The following ALMS1 variants were observed in gnomAD, a reference collection of about 807,000 sequenced individuals.
The protein encoded by ALMS1 is centrosome-associated protein ALMS1.
ALMS1 carries 271 observed loss-of-function variants against 352.2 expected under a neutral mutation model. The ratio of observed to expected loss-of-function variants is 0.77; its 90% CI spans 0.70 to 0.85. ALMS1 has a LOEUF of 0.85. Ranked by LOEUF, ALMS1 falls within the 40% of genes least tolerant of loss-of-function variation. The pLI is 0.00. For synonymous variants in ALMS1, 1,865 were observed against 1,761.2 expected (o/e 1.06, Z -1.48); for missense variants, 5,445 against 4,870.7 (o/e 1.12, Z -3.51).
In ALMS1 at chr2:73,422,861, A is replaced by G. The variant is rs774831792; in HGVS notation, c.651A>G (p.Ile217Met). 2.2e-5 allele frequency: 35 copies of G among 1,610,704 alleles called. No homozygotes were observed. Among genetic ancestry groups the G allele is most frequent in the African/African-American group, 2.7e-5 (2 of 74,810 alleles). The change falls in exon 4 of 23, where the codon ATA becomes ATG. Residue 217 changes from isoleucine to methionine, a missense_variant. Physicochemically the swap from Ile to Met is conservative, Grantham distance 10 (BLOSUM62 1). Coordinates refer to ENST00000613296, the MANE Select transcript of ALMS1 (RefSeq NM_001378454.1). ...TTAATATTTGAAACTTTACAGTCATACAAGATAGCTTTGCTTCTCCTGATT... is the reference window on the plus strand; with the variant it reads ...TTAATATTTGAAACTTTACAGTCATGCAAGATAGCTTTGCTTCTCCTGATT... The part of the protein sequence containing the change: ...RDLFCSPLLV[I>M]QDSFASPDLP...
chr2:73,577,537 G>A (rs1675079574), intron 16 of ALMS1, among the ~76,000 whole-genome samples: 1 of 151,566 alleles, frequency 6.6e-6, no homozygotes, highest in Non-Finnish European at 1.5e-5. Flanking sequence ...CTTTAATGTA[G>A]GCATTTGTAG....
At chr2:73,458,764 T>A (rs891096622) in intron 9 of ALMS1, 4 of 151,840 alleles carry the variant, frequency 2.6e-5, no homozygotes, top group Admixed American at 2.6e-4. Context: ...GTTTGGAGAG[T>A]GAGAGTGAAA....
chr2:73,597,713 CTAAA>C (rs1446310714), intron 16 of ALMS1, among the ~76,000 whole-genome samples: 1 of 151,842 alleles, frequency 6.6e-6, no homozygotes, highest in African/African-American at 2.4e-5. Context: ...TATGGCTTGC[CTAAA>C]TAGAGACCGC....
Position 73,557,347 on chromosome 2 carries a change from T to C in ALMS1, c.10206T>C (p.Asp3402=). The C allele has an allele frequency of 1.9e-6, 3 of 1,614,120 alleles. No homozygotes were observed. The highest frequency in any genetic ancestry group is 2.5e-6 in the Non-Finnish European group (3 of 1,179,978). ...AAGAAAAAGAATCTTTGCAGAAAGA[T>C]ACTGCAGGTAGCTAAACTGGATTGT... ...QAKEKESLQK[D]TADSSAAAAA... The change falls in exon 14 of 23, where the codon GAT becomes GAC. Residue 3402 remains aspartate (D), a synonymous_variant. Coordinates refer to ENST00000613296, the MANE Select transcript of ALMS1 (RefSeq NM_001378454.1).
Position 73,386,031 on chromosome 2 carries a change from G to A in ALMS1, c.163G>A (p.Asp55Asn), listed in dbSNP as rs1357904820. ...GGAGGAAGAGGCGGGGCGGGAGTTG[G>A]ACTCCGACTCTCACTACGGGCCCCA... ...EVEEEAGRELDSDSHYGPQHL... is the reference protein window; with the variant it reads ...EVEEEAGRELNSDSHYGPQHL... Residue 55 changes from aspartate to asparagine, a missense_variant, in exon 1 of 23, where the codon GAC (aspartate) becomes AAC (asparagine). Transcript: ENST00000613296. 2 of 1,559,242 alleles carry A rather than the reference G, an allele frequency of 1.3e-6. No homozygotes were observed. The highest frequency in any genetic ancestry group is 1.7e-6 in the Non-Finnish European group (2 of 1,151,928).
chr2:73,509,233 A>G (rs1253903429), intron 10 of ALMS1, among the ~76,000 whole-genome samples: 1 of 152,112 alleles, frequency 6.6e-6, no homozygotes, highest in East Asian at 1.9e-4. Flanking sequence ...TAATTGGGGC[A>G]TTTAGCTCAT....
At chr2:73,507,420 G>T (rs1388026368) in intron 10 of ALMS1, among the ~76,000 whole-genome samples, 2 of 152,106 alleles carry the variant, frequency 1.3e-5, no homozygotes, top group African/African-American at 4.8e-5. Flanking sequence ...GGCTTTTCTT[G>T]GTTGGTAGGC....
rs1031112511 is a variant in ALMS1, at chr2:73,517,427, T to A, written c.9540-2348T>A. On this transcript the variant is annotated intron_variant, in intron 10 of 22. Coordinates refer to ENST00000613296, the MANE Select transcript of ALMS1 (RefSeq NM_001378454.1). ...TGCCACTGTGCCTATTTTTTTTATG[T>A]TTTGTAGAGACGATCTTGCTGCATT... 3.3e-5 allele frequency among the ~76,000 whole-genome samples: 5 copies of A among 151,188 alleles called. No individual in the cohort carries two copies. The East Asian group carries it at 9.8e-4, about 30-fold the overall frequency.
At chr2:73,454,483 A>G (rs1672018967) in intron 8 of ALMS1, 1 of 633,016 alleles carries the variant, frequency 1.6e-6, no homozygotes, top group Non-Finnish European at 2.0e-6. Flanking sequence ...GCTGTGCTCT[A>G]AATTGCTTTT....
chr2:73,397,633 A>C (rs747587809), intron 1 of ALMS1, among the ~76,000 whole-genome samples: 20 of 152,020 alleles, frequency 1.3e-4, no homozygotes, highest in Non-Finnish European at 2.8e-4. Context: ...ACGCTCAGCT[A>C]ATTATTTTTC....
intron 12 of ALMS1, among the ~76,000 whole-genome samples, chr2:73,540,596 A>C (rs972527637): frequency 1.3e-5 from 2 of 152,216 alleles, no homozygotes; most frequent in African/African-American, 4.8e-5. Flanking sequence ...ATAAAGAGTC[A>C]AGACCCATCC....
chr2:73,518,237 A>C (rs1044171617), intron 10 of ALMS1, among the ~76,000 whole-genome samples: 1 of 152,062 alleles, frequency 6.6e-6, no homozygotes, highest in Non-Finnish European at 1.5e-5. Context: ...CTGTTCCTGC[A>C]TTAGTTTGCT....
Position 73,403,706 on chromosome 2 carries a change from A to G in ALMS1, c.325-4916A>G, listed in dbSNP as rs180778533. ...ATTTGTGTCCTTAATTTCTTTCATT[A>G]GTATTGTAGTTTTCAGTAGACAGAT... On this transcript the variant is annotated intron_variant, in intron 1 of 22. Coordinates refer to ENST00000613296, the MANE Select transcript of ALMS1 (RefSeq NM_001378454.1). Among the ~76,000 whole-genome samples, 788 of 152,182 alleles carry G rather than the reference A, an allele frequency of 5.2e-3. 29 individuals carry two copies. The highest frequency in any genetic ancestry group is 0.049 in the Admixed American group (749 of 15,286).
intron 15 of ALMS1, among the ~76,000 whole-genome samples, chr2:73,566,489 C>T (rs1674803426): frequency 6.6e-6 from 1 of 152,196 alleles, no homozygotes; most frequent in Admixed American, 6.5e-5. Context: ...GAGATTTCAT[C>T]ATACTACTCA....
At chr2:73,422,164 A>G (rs1389357578) in intron 3 of ALMS1, among the ~76,000 whole-genome samples, 2 of 152,166 alleles carry the variant, frequency 1.3e-5, no homozygotes, top group Non-Finnish European at 2.9e-5. Context: ...CAATACAAAA[A>G]TGTTTAGAAG....
At chr2:73,524,001 T>C (rs1673739262) in intron 11 of ALMS1, among the ~76,000 whole-genome samples, 1 of 152,068 alleles carries the variant, frequency 6.6e-6, no homozygotes, top group Admixed American at 6.5e-5. Context: ...ACATTGAAAA[T>C]TCATAATCAT....
intron 17 of ALMS1, 149 bp from the exon 18 acceptor site, chr2:73,600,529 T>C (rs1275720131): frequency 1.4e-6 from 1 of 692,520 alleles, no homozygotes; most frequent in African/African-American, 1.8e-5. Flanking sequence ...CCTGTCCTTC[T>C]TTCTCTTCCT....
chr2:73,574,642 TA>T (rs1675014679), intron 16 of ALMS1, among the ~76,000 whole-genome samples: 1 of 152,250 alleles, frequency 6.6e-6, no homozygotes, highest in Admixed American at 6.5e-5. Flanking sequence ...CATATATAAA[TA>T]ATAGAGTATG....
intron 16 of ALMS1, among the ~76,000 whole-genome samples, chr2:73,577,954 T>A (rs1041468506): frequency 1.3e-5 from 2 of 152,196 alleles, no homozygotes; most frequent in Non-Finnish European, 2.9e-5. Flanking sequence ...CCAGTTTTTC[T>A]ATGGCTATCA....
Sources: allele counts gnomAD v4.1 joint callset (sites outside exome capture counted in the v4.1 genomes callset), GRCh38; gene constraint gnomAD v4.1.1; transcripts MANE v1.5; gene names NCBI Gene and HGNC (gene_info 2026-07-23, HGNC 2026-07-21).